The following SLURP2 variants were observed in gnomAD, a reference collection of about 807,000 sequenced individuals.
SLURP2 encodes the protein secreted LY6/PLAUR domain containing 2, also known as secreted Ly-6/uPAR domain-containing protein 2.
SLURP2 carries 4 observed loss-of-function variants against 9.8 expected under a neutral mutation model. The ratio of observed to expected loss-of-function variants is 0.41; its 90% CI spans 0.20 to 0.94. SLURP2 has a LOEUF of 0.94. Ranked by LOEUF, SLURP2 falls within the 40% of genes least tolerant of loss-of-function variation. The probability of loss-of-function intolerance (pLI) is 0.32; values close to 1 mark genes in which losing one functional copy is unlikely to be tolerated. For synonymous variants in SLURP2, 58 were observed against 56.2 expected, an observed-to-expected ratio of 1.03 and a Z score of -0.15; for missense variants, 118 against 126.4, an observed-to-expected ratio of 0.93 and a Z score of 0.32.
chr8:142,764,622 G>T lies in SLURP2; in HGVS notation c.277C>A (p.Leu93Ile). The T allele has an allele frequency of 3.7e-6, 6 of 1,606,960 alleles. No homozygotes were observed. Among genetic ancestry groups the T allele is most frequent in the Non-Finnish European group, 5.1e-6 (6 of 1,177,826 alleles). ...YVSIACCQTS[L>I]CNHD Reference sequence around the variant, plus strand: ...GGCAGCCGTCAGTCATGGTTGCAGAGGCTGGTCTGGCAGCAAGCGATGGAT... The same window carrying T: ...GGCAGCCGTCAGTCATGGTTGCAGATGCTGGTCTGGCAGCAAGCGATGGAT... The change falls in exon 3 of 3, where the codon CTC becomes ATC. Residue 93 changes from leucine to isoleucine, a missense_variant. By Grantham distance (5) the Leu-to-Ile change is conservative. Coordinates refer to ENST00000317543, the MANE Select transcript of SLURP2 (RefSeq NM_177458.3).
Position 142,768,384 on chromosome 8 carries a change from G to A in SLURP2, c.52+1371C>T, listed in dbSNP as rs1179353373. On this transcript the variant is annotated intron_variant, in intron 1 of 2. Coordinates refer to ENST00000317543, the MANE Select transcript of SLURP2 (RefSeq NM_177458.3). The surrounding 1 kb of genome is among the most constrained non-coding windows in gnomAD (Gnocchi z 4.8). ...CCCTCGGGGAGATTGTGCTGTCCAT[G>A]TATGGCAGAGAGCAGACACCAAGCA... 6.6e-6 allele frequency among the ~76,000 whole-genome samples: 1 copy of A among 152,130 alleles called. No individual in the cohort carries two copies. Among genetic ancestry groups the A allele is most frequent in the Non-Finnish European group, 1.5e-5 (1 of 68,016 alleles).
chr8:142,769,351 C>G (rs973639488), intron 1 of SLURP2, among the ~76,000 whole-genome samples: 8 of 151,806 alleles, frequency 5.3e-5, no homozygotes, highest in Non-Finnish European at 1.2e-4. Flanking sequence ...GAGGGAGTCC[C>G]GGGAGGGTGG....
chr8:142,764,765 T>C (rs777461639), intron 2 of SLURP2, 24 bp from the exon 3 acceptor site: 2 of 1,610,816 alleles, frequency 1.2e-6, no homozygotes, highest in Non-Finnish European at 1.7e-6. Flanking sequence ...AGAGAAACCA[T>C]GGAGCTCCCT....
intron 1 of SLURP2, among the ~76,000 whole-genome samples, chr8:142,765,460 T>C (rs1488989670): frequency 7.2e-6 from 1 of 139,494 alleles, no homozygotes; most frequent in Non-Finnish European, 1.6e-5. Flanking sequence ...CTATTTGGGG[T>C]CCCAGGGTGG....
At chr8:142,767,724 A>G (rs1815047490) in intron 1 of SLURP2, among the ~76,000 whole-genome samples, 1 of 151,918 alleles carries the variant, frequency 6.6e-6, no homozygotes, top group Non-Finnish European at 1.5e-5. Context: ...GAACTGCAGC[A>G]TCCTGCCCCA....
intron 1 of SLURP2, among the ~76,000 whole-genome samples, chr8:142,767,903 T>G (rs975516431): frequency 1.7e-4 from 12 of 72,220 alleles, no homozygotes; most frequent in African/African-American, 5.4e-4. Context: ...AATGAATAAA[T>G]GAATGAATGA....
At chr8:142,769,255 G>C (rs1815096712) in intron 1 of SLURP2, among the ~76,000 whole-genome samples, 2 of 151,968 alleles carry the variant, frequency 1.3e-5, no homozygotes, top group South Asian at 4.2e-4. Flanking sequence ...AATCACCCAG[G>C]AAAGCGGGGA....
rs748519239 is a variant in SLURP2, at chr8:142,769,797, C to G, written c.10G>C (p.Gly4Arg). 1 of 1,597,330 alleles carries G rather than the reference C, an allele frequency of 6.3e-7. No individual in the cohort carries two copies. The highest frequency in any genetic ancestry group is 8.5e-7 in the Non-Finnish European group (1 of 1,174,284). ...ACGGCGGCCAGCAGGAGCCCAGTGC[C>G]GAGCTGCATGTTCTCCTGGTGAGGT... MQLGTGLLLAAVLS... is the reference protein window; with the variant it reads MQLRTGLLLAAVLS... Residue 4 changes from glycine (G) to arginine (R), a missense_variant, in exon 1 of 3, where the codon GGC (glycine) becomes CGC (arginine). Gly to Arg is a moderately radical substitution (Grantham distance 125). Transcript: ENST00000317543.
Position 142,768,475 on chromosome 8 carries a change from C to T in SLURP2, c.52+1280G>A, listed in dbSNP as rs376318664. Among the ~76,000 whole-genome samples, 57 of 152,154 alleles carry T rather than the reference C, an allele frequency of 3.7e-4. No individual in the cohort carries two copies. The highest frequency in any genetic ancestry group is 1.3e-3 in the African/African-American group (55 of 41,506). On this transcript the variant is annotated intron_variant, in intron 1 of 2. Transcript: ENST00000317543. The surrounding 1 kb of genome is among the most constrained non-coding windows in gnomAD (Gnocchi z 4.8). ...TCCTCCAACCGGAAGAGCAGTGAGGCAGCTTGGGGCTTGTTCCTCGAGGGG... is the reference window on the plus strand; with the variant it reads ...TCCTCCAACCGGAAGAGCAGTGAGGTAGCTTGGGGCTTGTTCCTCGAGGGG...
intron 2 of SLURP2, 126 bp downstream of exon 2, chr8:142,764,910 T>C (rs1814951000): frequency 9.0e-7 from 1 of 1,116,270 alleles, no homozygotes; most frequent in African/African-American, 1.6e-5. Context: ...TGGGCATCAC[T>C]GGCGGACACT....
At position 142,764,518 on chromosome 8, in the gene SLURP2, C is replaced by A. The variant is rs1399029117; in HGVS notation, c.*87G>T. The stretch of plus-strand genomic sequence containing the variant: ...GGCCGGGAGAGGTGGGCTGGCCAGT[C>A]TCGAGGGAGGGGCAGCTGTGAGCCC... On this transcript the variant is annotated 3_prime_UTR_variant, in exon 3 of 3. Coordinates refer to ENST00000317543, the MANE Select transcript of SLURP2 (RefSeq NM_177458.3). 7.1e-7 allele frequency: 1 copy of A among 1,403,654 alleles called. No homozygotes were observed. The highest frequency in any genetic ancestry group is 9.8e-7 in the Non-Finnish European group (1 of 1,015,418). 86.9% of individuals were successfully genotyped at this position (1,403,654 alleles called of 1,614,324 possible).
Position 142,764,402 on chromosome 8 carries a change from C to G in SLURP2, c.*203G>C. On this transcript the variant is annotated 3_prime_UTR_variant, in exon 3 of 3. Transcript: ENST00000317543. Reference sequence around the variant, plus strand: ...TCGGGACCTGAAGGGGCGGCAGGCACGATGGGCCCCAGGCTTGGACGGCAG... The same window carrying G: ...TCGGGACCTGAAGGGGCGGCAGGCAGGATGGGCCCCAGGCTTGGACGGCAG... The G allele has an allele frequency of 2.9e-6, 2 of 680,428 alleles. No individual in the cohort carries two copies. The highest frequency in any genetic ancestry group is 5.2e-6 in the Non-Finnish European group (2 of 384,824). The allele number at this position is 680,428 out of a possible 1,614,324, so 42.1% of individuals were successfully genotyped here.
rs1271634789 is a variant in SLURP2 at position 142,768,856 on chromosome 8, G to A, written c.52+899C>T. On this transcript the variant is annotated intron_variant, in intron 1 of 2. Coordinates refer to ENST00000317543, the MANE Select transcript of SLURP2 (RefSeq NM_177458.3). This position sits in a 1 kb window ranked among gnomAD's most constrained non-coding sequence, Gnocchi z 4.8. The stretch of plus-strand genomic sequence containing the variant: ...TAAGAGACACCTGAGCCAGCGCCAG[G>A]GACTCACCGACGCTCCACCCCCTGC... 6.6e-6 allele frequency among the ~76,000 whole-genome samples: 1 copy of A among 152,084 alleles called. No homozygotes were observed. The highest frequency in any genetic ancestry group is 6.5e-5 in the Admixed American group (1 of 15,282).
chr8:142,769,423 A>AGT (rs1366589597), intron 1 of SLURP2, among the ~76,000 whole-genome samples: 3 of 143,584 alleles, frequency 2.1e-5, no homozygotes, highest in African/African-American at 5.2e-5. Flanking sequence ...GCACATTCAG[A>AGT]GTGTGTGTGT....
chr8:142,769,820 G>A lies in SLURP2; in HGVS notation c.-14C>T. ...GCCGAGCTGCATGTTCTCCTGGTGA[G>A]GTCGGGCTGTCGGCGCCCTGGCCGG... On this transcript the variant is annotated 5_prime_UTR_variant, in exon 1 of 3. Transcript: ENST00000317543. 6.3e-7 allele frequency: 1 copy of A among 1,586,646 alleles called. No homozygotes were observed. Among genetic ancestry groups the A allele is most frequent in the South Asian group, 1.1e-5 (1 of 86,994 alleles).
In SLURP2 at chr8:142,769,760, T is replaced by G; in HGVS notation, c.47A>C (p.Gln16Pro). 1 of 1,603,366 alleles carries G rather than the reference T, an allele frequency of 6.2e-7. No individual in the cohort carries two copies. Among genetic ancestry groups the G allele is most frequent in the Non-Finnish European group, 8.5e-7 (1 of 1,176,572 alleles). The stretch of plus-strand genomic sequence containing the variant: ...GCCCCAGCCCCTGGACTCACCCAGC[T>G]GCAGGCTCAGGACGGCGGCCAGCAG... ...GLLLAAVLSLQLAAAEAIWCH... is the reference protein window; with the variant it reads ...GLLLAAVLSLPLAAAEAIWCH... Residue 16 changes from glutamine to proline, a missense_variant, in exon 1 of 3, where the codon CAG becomes CCG. By Grantham distance (76) the Gln-to-Pro change is moderately conservative (BLOSUM62 -1). Transcript: ENST00000317543.
intron 1 of SLURP2, among the ~76,000 whole-genome samples, chr8:142,765,401 C>T (rs1322001544): frequency 1.3e-5 from 2 of 152,004 alleles, no homozygotes; most frequent in African/African-American, 4.8e-5. Flanking sequence ...CCGGGCAGCC[C>T]TGGCTCGCAG....
rs1815061125 is a variant in SLURP2, at chr8:142,768,175, G to C, written c.52+1580C>G. Among the ~76,000 whole-genome samples, 1 of 142,744 alleles carries C rather than the reference G, an allele frequency of 7.0e-6. No individual in the cohort carries two copies. The highest frequency in any genetic ancestry group is 2.6e-5 in the African/African-American group (1 of 38,720). 93.6% of individuals were successfully genotyped at this position (142,744 alleles called of 152,430 possible). A position where few individuals can be genotyped will look rare whatever the true frequency, so the allele number is the denominator to read the frequency against. On this transcript the variant is annotated intron_variant, in intron 1 of 2. Coordinates refer to ENST00000317543, the MANE Select transcript of SLURP2 (RefSeq NM_177458.3). The surrounding 1 kb of genome is among the most constrained non-coding windows in gnomAD (Gnocchi z 4.8). ...GGAGAGAGGAAGGGAGGGAGGAGGA[G>C]AGGAAGGAAGGAAGGGAAGGAGGGA...
At position 142,764,755 on chromosome 8, in the gene SLURP2, A is replaced by T. The variant is rs1327146189; in HGVS notation, c.158-14T>A. 1 of 1,611,950 alleles carries T rather than the reference A, an allele frequency of 6.2e-7. No individual in the cohort carries two copies. Among genetic ancestry groups the T allele is most frequent in the Admixed American group, 1.7e-5 (1 of 59,312 alleles). ...TGCTGAGGACCCCTGAGTGGGCAGG[A>T]GAGAAACCATGGAGCTCCCTGAGGC... On this transcript the variant is annotated splice_polypyrimidine_tract_variant and intron_variant, in intron 2 of 2. Coordinates refer to ENST00000317543, the MANE Select transcript of SLURP2 (RefSeq NM_177458.3).
Sources: gnomAD v4.1 joint callset for allele counts (sites outside exome capture counted in the v4.1 genomes callset) on GRCh38, gnomAD v4.1.1 for gene constraint, Gnocchi (gnomAD v3.1) non-coding constraint, MANE v1.5 for transcripts, NCBI Gene and HGNC (gene_info 2026-07-23, HGNC 2026-07-21) for gene names.